The following RAPGEF6 variants were observed in gnomAD, a reference collection of about 807,000 sequenced individuals.
RAPGEF6 encodes Rap guanine nucleotide exchange factor 6, also known as PDZ domain containing guanine nucleotide exchange factor (GEF) 2.
RAPGEF6 carries 56 observed loss-of-function variants against 171.4 expected under a neutral mutation model. The observed-to-expected ratio is 0.33, with a 90% CI of 0.26 to 0.41. RAPGEF6 has a LOEUF of 0.41. Ranked by LOEUF, RAPGEF6 falls within the 10% of genes least tolerant of loss-of-function variation. The probability of loss-of-function intolerance (pLI) is 1.00; values close to 1 mark genes in which losing one functional copy is unlikely to be tolerated. For synonymous variants in RAPGEF6, 692 were observed against 650.1 expected, an observed-to-expected ratio of 1.06 and a Z score of -0.98; for missense variants, 1,674 against 1,921.4, an observed-to-expected ratio of 0.87 and a Z score of 2.41.
At chr5:131,537,302 C>G (rs760576931) in intron 6 of RAPGEF6, among the ~76,000 whole-genome samples, 1 of 152,190 alleles carries the variant, frequency 6.6e-6, no homozygotes, top group Non-Finnish European at 1.5e-5. Flanking sequence ...GGAGGAAGAA[C>G]TGCCCCAGAC....
At chr5:131,493,095 C>T (rs1036680794) in intron 13 of RAPGEF6, among the ~76,000 whole-genome samples, 26 of 152,090 alleles carry the variant, frequency 1.7e-4, no homozygotes, top group African/African-American at 4.8e-4. Flanking sequence ...GACGGAGCCT[C>T]GCTCTGTCGC....
intron 15 of RAPGEF6, among the ~76,000 whole-genome samples, chr5:131,485,318 C>T (rs1361006937): frequency 6.6e-6 from 1 of 152,096 alleles, no homozygotes; most frequent in African/African-American, 2.4e-5. Context: ...ACTGAGACTG[C>T]CAGCTGTTTT....
intron 5 of RAPGEF6, among the ~76,000 whole-genome samples, chr5:131,560,826 A>G (rs181198717): frequency 6.6e-6 from 1 of 152,364 alleles, no homozygotes; most frequent in East Asian, 1.9e-4. Flanking sequence ...TAGTGAGTTC[A>G]TGGTTATACA....
Position 131,456,026 on chromosome 5 carries a change from G to C in RAPGEF6, c.2865-14C>G. 6.2e-7 allele frequency: 1 copy of C among 1,607,684 alleles called. No individual in the cohort carries two copies. The highest frequency in any genetic ancestry group is 8.5e-7 in the Non-Finnish European group (1 of 1,176,352). Reference sequence around the variant, plus strand: ...AGGTTCAAGCCACTGCCAAAGATGAGAATAGAAACATTAAAAAGAAACTTG... The same window carrying C: ...AGGTTCAAGCCACTGCCAAAGATGACAATAGAAACATTAAAAAGAAACTTG... On this transcript the variant is annotated splice_polypyrimidine_tract_variant and intron_variant, in intron 19 of 27. Coordinates refer to ENST00000509018, the MANE Select transcript of RAPGEF6 (RefSeq NM_016340.6).
chr5:131,578,761 T>G (rs1435851143), intron 4 of RAPGEF6, among the ~76,000 whole-genome samples: 1 of 152,224 alleles, frequency 6.6e-6, no homozygotes, highest in African/African-American at 2.4e-5. Context: ...CAACTTCGCA[T>G]TACTGATAAG....
intron 4 of RAPGEF6, among the ~76,000 whole-genome samples, chr5:131,567,092 T>C (rs1482926006): frequency 1.1e-5 from 1 of 90,606 alleles, no homozygotes; most frequent in African/African-American, 3.2e-5. Context: ...AAAACTCTTG[T>C]CTCAAAAAAA....
intron 6 of RAPGEF6, among the ~76,000 whole-genome samples, chr5:131,524,310 G>A (rs1053911343): frequency 1.8e-4 from 27 of 152,260 alleles, no homozygotes; most frequent in African/African-American, 6.5e-4. Flanking sequence ...ACTACAGAAT[G>A]TAAGTCTGGA....
intron 3 of RAPGEF6, among the ~76,000 whole-genome samples, chr5:131,598,144 G>C (rs1049805253): frequency 6.6e-6 from 1 of 152,116 alleles, no homozygotes; most frequent in South Asian, 2.1e-4. Context: ...TGGTATCTAT[G>C]AAACAGAAAT....
At chr5:131,581,872 C>G (rs1762985780) in intron 4 of RAPGEF6, among the ~76,000 whole-genome samples, 1 of 152,086 alleles carries the variant, frequency 6.6e-6, no homozygotes, top group South Asian at 2.1e-4. Flanking sequence ...CCCACCAACC[C>G]TTGTGACAAT....
chr5:131,596,054 T>C (rs1763880170), intron 3 of RAPGEF6, among the ~76,000 whole-genome samples: 1 of 151,154 alleles, frequency 6.6e-6, no homozygotes, highest in Non-Finnish European at 1.5e-5. Context: ...CTTGGGAGGC[T>C]GAAGCACAAG....
chr5:131,566,629 T>C (rs572595819), intron 4 of RAPGEF6, among the ~76,000 whole-genome samples: 2 of 152,280 alleles, frequency 1.3e-5, no homozygotes, highest in Admixed American at 6.5e-5. Context: ...ATTACCCTAA[T>C]ACAAAGTCTT....
Position 131,504,660 on chromosome 5 carries a change from C to T in RAPGEF6, c.1220G>A (p.Arg407Gln), listed in dbSNP as rs142901581. ...AATGTGTCCTTTCCTGGTTCCACTCCGGTCTAGTTCCCGATGCTCATGTAC... is the reference window on the plus strand; with the variant it reads ...AATGTGTCCTTTCCTGGTTCCACTCTGGTCTAGTTCCCGATGCTCATGTAC... Reference protein sequence around the residue: ...VMVHEHRELDRSGTRKGHIVI... With the variant: ...VMVHEHRELDQSGTRKGHIVI... Residue 407 changes from arginine (R) to glutamine (Q), a missense_variant, in exon 11 of 28, where the codon CGG becomes CAG. Physicochemically the swap from Arg to Gln is conservative, Grantham distance 43. Around this residue, in one of 3 missense-constraint regions of RAPGEF6, gnomAD observed 1,116 missense variants for 1,321.5 expected, o/e 0.84. Transcript: ENST00000509018. The T allele has an allele frequency of 1.2e-5, 19 of 1,612,292 alleles. No homozygotes were observed. Among genetic ancestry groups the T allele is most frequent in the Middle Eastern group, 1.7e-4 (1 of 6,056 alleles).
intron 16 of RAPGEF6, among the ~76,000 whole-genome samples, chr5:131,476,738 G>C (rs918875221): frequency 1.3e-5 from 2 of 152,120 alleles, no homozygotes; most frequent in African/African-American, 4.8e-5. Context: ...CACAATGTTG[G>C]TCAGGCTGGT....
intron 21 of RAPGEF6, among the ~76,000 whole-genome samples, chr5:131,448,856 G>A (rs190791317): frequency 1.9e-4 from 29 of 152,188 alleles, no homozygotes. Flanking sequence ...TAATAGTAAT[G>A]CCAGGTATCA....
At chr5:131,566,589 C>G (rs893592526) in intron 4 of RAPGEF6, among the ~76,000 whole-genome samples, 1 of 152,084 alleles carries the variant, frequency 6.6e-6, no homozygotes, top group African/African-American at 2.4e-5. Flanking sequence ...ACTGGACTAA[C>G]AGAAATGAGC....
In RAPGEF6 at chr5:131,492,588, A is replaced by G. The variant is rs746435575; in HGVS notation, c.1725T>C (p.Gly575=). The change falls in exon 14 of 28, where the codon GGT becomes GGC. Residue 575 remains glycine, a synonymous_variant. Coordinates refer to ENST00000509018, the MANE Select transcript of RAPGEF6 (RefSeq NM_016340.6). ...SKAADSGLKR[G]DQIMEVNGQN... Reference sequence around the variant, plus strand: ...TGGTTGGTTATTTCCTTACCTGATCACCACGTTTCAGTCCTGAATCAGCAG... The same window carrying G: ...TGGTTGGTTATTTCCTTACCTGATCGCCACGTTTCAGTCCTGAATCAGCAG... 74 of 1,614,016 alleles carry G rather than the reference A, an allele frequency of 4.6e-5. 2 individuals are homozygous for G. The South Asian group carries it at 7.9e-4, about 17-fold the overall frequency.
intron 26 of RAPGEF6, 149 bp from the exon 27 acceptor site, chr5:131,429,365 T>C: frequency 1.4e-6 from 1 of 700,824 alleles, no homozygotes; most frequent in South Asian, 2.2e-5. Flanking sequence ...AAAACATTTT[T>C]TAAAAGTTTA....
Position 131,521,840 on chromosome 5 carries a change from TACACACACACACAC to T in RAPGEF6, c.496-333_496-320del, listed in dbSNP as rs3992018. On this transcript the variant is annotated intron_variant, in intron 6 of 27. Transcript: ENST00000509018. The stretch of plus-strand genomic sequence containing the variant: ...CCATTTAAGGGTAGGAATGTTACCC[TACACACACACACAC>T]ACACACACACACACACACACACACA... 3.1e-3 allele frequency among the ~76,000 whole-genome samples: 303 copies of T among 97,252 alleles called. 3 individuals carry two copies. Among genetic ancestry groups the T allele is most frequent in the African/African-American group, 9.0e-3 (268 of 29,768 alleles). The allele number at this position is 97,252 out of a possible 152,430, so 63.8% of individuals were successfully genotyped here.
chr5:131,523,212 AT>A (rs1292939733), intron 6 of RAPGEF6, among the ~76,000 whole-genome samples: 1 of 151,082 alleles, frequency 6.6e-6, no homozygotes, highest in African/African-American at 2.4e-5. Flanking sequence ...GTTGGCAAAC[AT>A]CTTCGTTAAG....
Sources: allele counts gnomAD v4.1 joint callset (sites outside exome capture counted in the v4.1 genomes callset), GRCh38; gene constraint gnomAD v4.1.1; regional missense constraint gnomAD v4.1.1; transcripts MANE v1.5; gene names NCBI Gene and HGNC (gene_info 2026-07-23, HGNC 2026-07-21).